DISP3: variants seen among roughly 807,000 people sequenced by gnomAD.
DISP3 encodes protein dispatched homolog 3.
In DISP3, 101 loss-of-function variants were observed where a neutral mutation model predicts 135.3. That is an observed-to-expected ratio of 0.75 (90% CI 0.64 to 0.88). The LOEUF is 0.88. DISP3 is among the 40% of genes least tolerant of loss of function. The probability of loss-of-function intolerance (pLI) is 0.00; values close to 1 mark genes in which losing one functional copy is unlikely to be tolerated. For synonymous variants in DISP3, 856 were observed against 817.0 expected, an observed-to-expected ratio of 1.05 and a Z score of -0.81; for missense variants, 1,713 against 1,878.6, an observed-to-expected ratio of 0.91 and a Z score of 1.63.
At position 11,534,386 on chromosome 1, in the gene DISP3, G is replaced by A. The variant is rs1284120412; in HGVS notation, c.3381G>A (p.Thr1127=). 10 of 1,614,118 alleles carry A rather than the reference G, an allele frequency of 6.2e-6. No individual in the cohort carries two copies. Among genetic ancestry groups the A allele is most frequent in the Admixed American group, 1.7e-5 (1 of 60,008 alleles). The change falls in exon 18 of 21, where the codon ACG becomes ACA. Residue 1127 remains threonine, a synonymous_variant. Coordinates refer to ENST00000294484, the MANE Select transcript of DISP3 (RefSeq NM_020780.2). ...GCTCACATCTCTCCCCACAGACCACGTACAAGGGCAAATCCTCCTTCCAGA... is the reference window on the plus strand; with the variant it reads ...GCTCACATCTCTCCCCACAGACCACATACAAGGGCAAATCCTCCTTCCAGA... ...QWISMAFEST[T]YKGKSSFQTY... is the part of the protein sequence containing the mutation.
intron 10 of DISP3, among the ~76,000 whole-genome samples, chr1:11,522,169 AC>A (rs1246449642): frequency 9.2e-5 from 14 of 152,138 alleles, no homozygotes; most frequent in Non-Finnish European, 1.3e-4. Context: ...GGCGAAGTCA[AC>A]CCAAGGTCAT....
At position 11,502,661 on chromosome 1, in the gene DISP3, C is replaced by A. The variant is rs1030583538; in HGVS notation, c.1097-17C>A. The A allele has an allele frequency of 1.2e-5, 20 of 1,609,156 alleles. No homozygotes were observed. The highest frequency in any genetic ancestry group is 1.7e-5 in the Non-Finnish European group (20 of 1,177,296). On this transcript the variant is annotated splice_polypyrimidine_tract_variant and intron_variant, in intron 2 of 20. Transcript: ENST00000294484. ...TGACCAGCTGAACTCTTGGGGCCCC[C>A]ACCCCTGTCCTTGCAGGCTCCCTGG...
At chr1:11,486,954 C>T (rs1641053898) in intron 1 of DISP3, among the ~76,000 whole-genome samples, 1 of 152,188 alleles carries the variant, frequency 6.6e-6, no homozygotes, top group Non-Finnish European at 1.5e-5. Context: ...GCTGGGGTGG[C>T]AGGTGTTAGC....
Position 11,501,483 on chromosome 1 carries a change from G to A in DISP3, c.491G>A (p.Arg164His), listed in dbSNP as rs1295611477. 2.5e-6 allele frequency: 4 copies of A among 1,605,330 alleles called. No individual in the cohort carries two copies. The highest frequency in any genetic ancestry group is 3.4e-6 in the Non-Finnish European group (4 of 1,176,052). The part of the protein sequence containing the change: ...EQLQQLHLGN[R>H]SRQASRAPRV... Reference sequence around the variant, plus strand: ...CTGCAGCAGCTGCATCTCGGCAACCGCTCGCGGCAAGCCTCCCGAGCCCCC... The same window carrying A: ...CTGCAGCAGCTGCATCTCGGCAACCACTCGCGGCAAGCCTCCCGAGCCCCC... Residue 164 changes from arginine to histidine, a missense_variant, in exon 2 of 21, where the codon CGC (arginine) becomes CAC (histidine). Physicochemically the swap from Arg to His is conservative, Grantham distance 29. Transcript: ENST00000294484. The surrounding 1 kb of genome is among the most constrained non-coding windows in gnomAD (Gnocchi z 4.9).
chr1:11,531,420 A>G lies in DISP3; in HGVS notation c.3230-145A>G. The G allele has an allele frequency of 8.4e-7, 1 of 1,186,816 alleles. No homozygotes were observed. The highest frequency in any genetic ancestry group is 1.2e-6 in the Non-Finnish European group (1 of 834,420). 73.5% of individuals were successfully genotyped at this position (1,186,816 alleles called of 1,614,324 possible). A position where few individuals can be genotyped will look rare whatever the true frequency, so the allele number is the denominator to read the frequency against. ...CATGTTCCACCCCGATGGCAAATGC[A>G]TGTTGTAGGTTTCCCAATGCCGTTG... On this transcript the variant is annotated intron_variant, in intron 16 of 20. Transcript: ENST00000294484. This position sits in a 1 kb window ranked among gnomAD's most constrained non-coding sequence, Gnocchi z 5.2.
rs1274135506 is a variant in DISP3, at chr1:11,536,711, C to T, written c.*25C>T. 13 of 1,501,678 alleles carry T rather than the reference C, an allele frequency of 8.7e-6. No homozygotes were observed. The East Asian group carries it at 3.2e-4, about 37-fold the overall frequency. The allele number at this position is 1,501,678 out of a possible 1,614,324, so 93.0% of individuals were successfully genotyped here. On this transcript the variant is annotated 3_prime_UTR_variant, in exon 21 of 21. Transcript: ENST00000294484. This position sits in a 1 kb window ranked among gnomAD's most constrained non-coding sequence, Gnocchi z 4.3. Reference sequence around the variant, plus strand: ...GCCCGGGACGGGCTCTGGACACTTGCACCTTTGGTCCCATGGGTGGGGGAC... The same window carrying T: ...GCCCGGGACGGGCTCTGGACACTTGTACCTTTGGTCCCATGGGTGGGGGAC...
chr1:11,531,190 G>T lies in DISP3; in HGVS notation c.3229+157G>T, dbSNP rs1406713465. Among the ~76,000 whole-genome samples the T allele has an allele frequency of 2.0e-5, 3 of 152,206 alleles. No individual in the cohort carries two copies. In the East Asian group the frequency reaches 5.8e-4, roughly 29 times the overall value. ...CTGTGCTGAGCATGTCCACACCAGG[G>T]TGGGGTGTGTGCCGGCAGTCGAGGG... On this transcript the variant is annotated intron_variant, in intron 16 of 20. Transcript: ENST00000294484. The surrounding 1 kb of genome is among the most constrained non-coding windows in gnomAD (Gnocchi z 5.2).
At chr1:11,514,632 C>G in intron 4 of DISP3, 106 bp downstream of exon 4, 2 of 1,390,768 alleles carry the variant, frequency 1.4e-6, no homozygotes, top group Non-Finnish European at 2.0e-6. Context: ...CCCAGCATGT[C>G]AGAGCTGGGG....
In DISP3 at chr1:11,519,637, C is replaced by T. The variant is rs1642118539; in HGVS notation, c.2039-82C>T. 6.4e-7 allele frequency: 1 copy of T among 1,573,082 alleles called. No homozygotes were observed. Among genetic ancestry groups the T allele is most frequent in the Middle Eastern group, 1.7e-4 (1 of 5,890 alleles). ...ATGGCCTGTGGGCTTCCTCACCAGG[C>T]ATCTGGGCTTCCCTGGAAGCGAGCG... On this transcript the variant is annotated intron_variant, in intron 8 of 20. Transcript: ENST00000294484. This position sits in a 1 kb window ranked among gnomAD's most constrained non-coding sequence, Gnocchi z 4.3.
At chr1:11,525,433 C>T (rs1642386154) in intron 12 of DISP3, 121 bp downstream of exon 12, 7 of 1,243,990 alleles carry the variant, frequency 5.6e-6, no homozygotes, top group Non-Finnish European at 7.5e-6. Flanking sequence ...GGATGAAGAC[C>T]CCCCTCCCCT....
At chr1:11,509,419 G>A (rs1641793545) in intron 3 of DISP3, among the ~76,000 whole-genome samples, 1 of 151,832 alleles carries the variant, frequency 6.6e-6, no homozygotes, top group Non-Finnish European at 1.5e-5. Context: ...TTCATTGATT[G>A]TGTTGTTCAT....
chr1:11,502,180 C>T lies in DISP3; in HGVS notation c.1096+92C>T, dbSNP rs74055715. The T allele has an allele frequency of 6.9e-3, 10,211 of 1,474,138 alleles. 503 individuals carry two copies. The African/African-American group carries it at 0.12, about 17-fold the overall frequency. The allele number at this position is 1,474,138 out of a possible 1,614,324, so 91.3% of individuals were successfully genotyped here. A position where few individuals can be genotyped will look rare whatever the true frequency, so the allele number is the denominator to read the frequency against. ...GCCCAGGCCAGGCCCAGGCCCAGGC[C>T]CAGGCCCAGTCAGTCTGGAACTGAG... On this transcript the variant is annotated intron_variant, in intron 2 of 20. Coordinates refer to ENST00000294484, the MANE Select transcript of DISP3 (RefSeq NM_020780.2).
intron 1 of DISP3, among the ~76,000 whole-genome samples, chr1:11,486,436 G>C (rs932876844): frequency 5.3e-5 from 8 of 152,172 alleles, no homozygotes; most frequent in Non-Finnish European, 1.2e-4. Context: ...GGCTGGCTGA[G>C]AGTGTGCATT....
chr1:11,536,419 A>G lies in DISP3; in HGVS notation c.3912A>G (p.Thr1304=), dbSNP rs1642707255. Residue 1304 remains threonine, a synonymous_variant, in exon 21 of 21, where the codon ACA becomes ACG. Transcript: ENST00000294484. The surrounding 1 kb of genome is among the most constrained non-coding windows in gnomAD (Gnocchi z 4.3). The stretch of plus-strand genomic sequence containing the variant: ...GTGCCCTCACCACGGTCATCGCCAC[A>G]GTGCCCCTCTTCTTCTGCATCATCG... ...VSSALTTVIA[T]VPLFFCIIAP... 1 of 1,613,056 alleles carries G rather than the reference A, an allele frequency of 6.2e-7. No homozygotes were observed. The highest frequency in any genetic ancestry group is 8.5e-7 in the Non-Finnish European group (1 of 1,179,986).
chr1:11,526,269 G>A (rs1193344774), intron 12 of DISP3, among the ~76,000 whole-genome samples: 3 of 152,144 alleles, frequency 2.0e-5, no homozygotes, highest in South Asian at 2.1e-4. Context: ...GCCCTGCCCC[G>A]GCGCCTTTCT....
At position 11,483,147 on chromosome 1, in the gene DISP3, G is replaced by A. The variant is rs1043940376; in HGVS notation, c.-4+3775G>A. Among the ~76,000 whole-genome samples, 8 of 152,362 alleles carry A rather than the reference G, an allele frequency of 5.3e-5. No individual in the cohort carries two copies. The South Asian group carries it at 8.3e-4, about 16-fold the overall frequency. On this transcript the variant is annotated intron_variant, in intron 1 of 20. Coordinates refer to ENST00000294484, the MANE Select transcript of DISP3 (RefSeq NM_020780.2). The surrounding 1 kb of genome is among the most constrained non-coding windows in gnomAD (Gnocchi z 5.4). ...CAGTGAGCTCACTCTCTGCCTGGCC[G>A]CTGGGAGACCAGACAGCCGCACTCC...
Position 11,483,761 on chromosome 1 carries a change from T to G in DISP3, c.-4+4389T>G, listed in dbSNP as rs1020184359. 6.6e-6 allele frequency among the ~76,000 whole-genome samples: 1 copy of G among 152,210 alleles called. No homozygotes were observed. The highest frequency in any genetic ancestry group is 1.5e-5 in the Non-Finnish European group (1 of 68,036). ...TTCTGAGCCATGGCTGGGCCGGAGC[T>G]GAGTCCCCGTGAGAGTCTGGAATGG... On this transcript the variant is annotated intron_variant, in intron 1 of 20. Coordinates refer to ENST00000294484, the MANE Select transcript of DISP3 (RefSeq NM_020780.2). The surrounding 1 kb of genome is among the most constrained non-coding windows in gnomAD (Gnocchi z 5.4).
rs1299779702 is a variant in DISP3, at chr1:11,534,996, T to C, written c.3536-15T>C. 3.2e-6 allele frequency: 5 copies of C among 1,561,970 alleles called. No individual in the cohort carries two copies. The highest frequency in any genetic ancestry group is 4.3e-6 in the Non-Finnish European group (5 of 1,157,444). On this transcript the variant is annotated splice_polypyrimidine_tract_variant and intron_variant, in intron 18 of 20. Coordinates refer to ENST00000294484, the MANE Select transcript of DISP3 (RefSeq NM_020780.2). ...CCCACACAGCAGCGCACTGAGGCCC[T>C]GTCCTCCCTTGCAGGGGTGCAGAGC...
At chr1:11,498,167 A>C (rs1641394169) in intron 1 of DISP3, among the ~76,000 whole-genome samples, 2 of 152,240 alleles carry the variant, frequency 1.3e-5, no homozygotes, top group African/African-American at 4.8e-5. Flanking sequence ...CTATGTAACA[A>C]AACATCCCAG....
Sources: gnomAD v4.1 joint callset for allele counts (sites outside exome capture counted in the v4.1 genomes callset) on GRCh38, gnomAD v4.1.1 for gene constraint, Gnocchi (gnomAD v3.1) non-coding constraint, MANE v1.5 for transcripts, NCBI Gene and HGNC (gene_info 2026-07-23, HGNC 2026-07-21) for gene names.